Variants in ZNF114 observed in about 807,000 individuals in gnomAD.
ZNF114 encodes the protein zinc finger protein 114 (Y18).
Under a neutral mutation model 6.8 loss-of-function variants are expected in ZNF114, and 8 were observed. That is an observed-to-expected ratio of 1.18 (90% CI 0.69 to 2.13). The LOEUF (loss-of-function observed/expected upper bound fraction) is 2.13, where lower values mean the gene tolerates loss of function less well. Ranked by LOEUF, ZNF114 falls within the 30% of genes most tolerant of loss-of-function variation. ZNF114 has a pLI of 0.00. For missense variants in ZNF114, 472 were observed against 519.5 expected, an observed-to-expected ratio of 0.91 and a Z score of 0.89; for synonymous variants, 169 against 185.5, an observed-to-expected ratio of 0.91 and a Z score of 0.72.
chr19:48,282,290 C>G (rs1968012831), intron 4 of ZNF114, 81 bp from the exon 5 acceptor site: 1 of 1,584,566 alleles, frequency 6.3e-7, no homozygotes, highest in African/African-American at 1.4e-5. Context: ...CCTCAACCTA[C>G]CTTTTTCTGT....
intron 3 of ZNF114, among the ~76,000 whole-genome samples, chr19:48,272,422 AT>A (rs1318738313): frequency 4.2e-5 from 6 of 143,342 alleles, no homozygotes; most frequent in African/African-American, 1.0e-4. Flanking sequence ...AAAAAAAAAA[AT>A]AAATAATAAT....
intron 3 of ZNF114, among the ~76,000 whole-genome samples, chr19:48,278,601 G>A (rs1428772857): frequency 6.6e-6 from 1 of 152,086 alleles, no homozygotes; most frequent in Non-Finnish European, 1.5e-5. Flanking sequence ...TGCTTTCTTT[G>A]TTCATGCATT....
intron 1 of ZNF114, among the ~76,000 whole-genome samples, chr19:48,270,761 G>GAGAA (rs142099276): frequency 0.013 from 1,937 of 149,876 alleles, 50 homozygotes; most frequent in African/African-American, 0.04. Flanking sequence ...AGAGAAAAAA[G>GAGAA]AGAAAGAAAG....
chr19:48,279,152 C>T (rs1424291443), intron 3 of ZNF114, among the ~76,000 whole-genome samples: 1 of 151,668 alleles, frequency 6.6e-6, no homozygotes, highest in African/African-American at 2.4e-5. Context: ...ATGCAAATTT[C>T]ACCTCGATTA....
chr19:48,286,230 C>A lies in ZNF114; in HGVS notation c.606C>A (p.Gly202=). 1.2e-6 allele frequency: 2 copies of A among 1,614,170 alleles called. No individual in the cohort carries two copies. Among genetic ancestry groups the A allele is most frequent in the African/African-American group, 2.7e-5 (2 of 75,026 alleles). Residue 202 remains glycine, a synonymous_variant, in exon 6 of 6, where the codon GGC becomes GGA. Coordinates refer to ENST00000595607, the MANE Select transcript of ZNF114 (RefSeq NM_153608.4). ...KTELKSSTWT[G]SQNTVHHIRD... ...AGCTGAAATCAAGCACATGGACTGG[C>A]AGTCAGAACACTGTGCATCATATAC...
At chr19:48,282,556 G>A (rs1968019837) in intron 5 of ZNF114, 59 bp downstream of exon 5, 41 of 1,549,106 alleles carry the variant, frequency 2.6e-5, no homozygotes, top group South Asian at 1.2e-4. Flanking sequence ...GTTTGGAACC[G>A]TGTTCTGGGA....
chr19:48,277,713 T>C (rs1967873138), intron 3 of ZNF114, among the ~76,000 whole-genome samples: 1 of 151,994 alleles, frequency 6.6e-6, no homozygotes, highest in Non-Finnish European at 1.5e-5. Flanking sequence ...AGATCAGCCA[T>C]GTTTCCGAGG....
Position 48,286,255 on chromosome 19 carries a change from C to G in ZNF114, c.631C>G (p.Arg211Gly). Residue 211 changes from arginine to glycine, a missense_variant, in exon 6 of 6, where the codon CGT becomes GGT. By Grantham distance (125) the Arg-to-Gly change is moderately radical. Coordinates refer to ENST00000595607, the MANE Select transcript of ZNF114 (RefSeq NM_153608.4). ...CAGTCAGAACACTGTGCATCATATA[C>G]GTGATGAAATTGATACGGGGGCCAA... ...TGSQNTVHHI[R>G]DEIDTGANRH... is the part of the protein sequence containing the mutation. The G allele has an allele frequency of 1.2e-6, 2 of 1,614,130 alleles. No individual in the cohort carries two copies. The highest frequency in any genetic ancestry group is 1.7e-6 in the Non-Finnish European group (2 of 1,180,040).
rs754358417 is a variant in ZNF114 at position 48,279,787 on chromosome 19, G to A, written c.-13G>A. On this transcript the variant is annotated 5_prime_UTR_variant, in exon 4 of 6. Transcript: ENST00000595607. ...CGGGGAAGCCAGGACTGGCCGTCAC[G>A]TTGGTGACAAATATGTCCCAGGTAA... 5 of 1,613,860 alleles carry A rather than the reference G, an allele frequency of 3.1e-6. No individual in the cohort carries two copies. The highest frequency in any genetic ancestry group is 2.2e-5 in the South Asian group (2 of 91,090).
At position 48,285,935 on chromosome 19, in the gene ZNF114, A is replaced by G; in HGVS notation, c.311A>G (p.Asn104Ser). Reference protein sequence around the residue: ...KTEEPHRQGVNNVKPPAVAPE... With the variant: ...KTEEPHRQGVSNVKPPAVAPE... Reference sequence around the variant, plus strand: ...GAGGAACCACACAGGCAGGGGGTGAATAATGTGAAGCCACCTGCAGTTGCC... The same window carrying G: ...GAGGAACCACACAGGCAGGGGGTGAGTAATGTGAAGCCACCTGCAGTTGCC... The change falls in exon 6 of 6, where the codon AAT becomes AGT. Residue 104 changes from asparagine to serine, a missense_variant. Physicochemically the swap from Asn to Ser is conservative, Grantham distance 46 (BLOSUM62 1). Transcript: ENST00000595607. 1 of 1,614,130 alleles carries G rather than the reference A, an allele frequency of 6.2e-7. No individual in the cohort carries two copies. The highest frequency in any genetic ancestry group is 8.5e-7 in the Non-Finnish European group (1 of 1,180,030).
Position 48,286,039 on chromosome 19 carries a change from G to A in ZNF114, c.415G>A (p.Val139Met). 6.2e-7 allele frequency: 1 copy of A among 1,613,992 alleles called. No individual in the cohort carries two copies. The highest frequency in any genetic ancestry group is 8.5e-7 in the Non-Finnish European group (1 of 1,180,036). ...CCACTCTAAACCTACCTGCAGGCTT[G>A]TGCCTTCACAGGGAGATTCCATAAG... Reference protein sequence around the residue: ...RNHSKPTCRLVPSQGDSIRQC... With the variant: ...RNHSKPTCRLMPSQGDSIRQC... The change falls in exon 6 of 6, where the codon GTG becomes ATG. Residue 139 changes from valine to methionine, a missense_variant. Val to Met is a conservative substitution (Grantham distance 21, BLOSUM62 1). Coordinates refer to ENST00000595607, the MANE Select transcript of ZNF114 (RefSeq NM_153608.4).
In ZNF114 at chr19:48,285,543, A is replaced by AGAAGGAAG. The variant is rs35030246; in HGVS notation, c.137-207_137-200dup. The stretch of plus-strand genomic sequence containing the variant: ...AGAGAACGAGAGAGAGAGAGAGGAA[A>AGAAGGAAG]GAAGGAAGGAAGGAAGGAGGAAGGA... On this transcript the variant is annotated intron_variant, in intron 5 of 5. Transcript: ENST00000595607. 4.2e-4 allele frequency among the ~76,000 whole-genome samples: 62 copies of AGAAGGAAG among 147,192 alleles called. No individual in the cohort carries two copies. The South Asian group carries it at 9.1e-3, about 22-fold the overall frequency.
intron 4 of ZNF114, among the ~76,000 whole-genome samples, chr19:48,280,936 G>A (rs964836953): frequency 3.9e-5 from 6 of 152,148 alleles, no homozygotes; most frequent in African/African-American, 1.4e-4. Context: ...CACACAGTTG[G>A]TCAACTGGTA....
rs71334282 is a variant in ZNF114, at chr19:48,278,942, CA to C, written c.-69-778del. 6.1e-3 allele frequency among the ~76,000 whole-genome samples: 881 copies of C among 143,732 alleles called. 3 individuals carry two copies. The highest frequency in any genetic ancestry group is 0.01 in the Non-Finnish European group (659 of 65,418). The allele number at this position is 143,732 out of a possible 152,430, so 94.3% of individuals were successfully genotyped here. On this transcript the variant is annotated intron_variant, in intron 3 of 5. Transcript: ENST00000595607. ...TGGGCAACAGAGTGAGACTCCGTCT[CA>C]AAAAAAAAAATTGCAATTAGATTAG... is the stretch of plus-strand genomic sequence containing the variant.
At chr19:48,271,639 C>G (rs1967660960) in intron 2 of ZNF114, 88 bp from the exon 3 acceptor site, 1 of 152,298 alleles carries the variant, frequency 6.6e-6, no homozygotes, top group Non-Finnish European at 1.5e-5. Flanking sequence ...AGGAAGGGGT[C>G]AAGAAGCGAG....
At chr19:48,279,260 T>C (rs1967925806) in intron 3 of ZNF114, among the ~76,000 whole-genome samples, 1 of 149,372 alleles carries the variant, frequency 6.7e-6, no homozygotes, top group African/African-American at 2.5e-5. Flanking sequence ...TTAGGAGGCA[T>C]GGGGGCCCAT....
Position 48,286,303 on chromosome 19 carries a change from G to A in ZNF114, c.679G>A (p.Gly227Arg). 1 of 1,614,156 alleles carries A rather than the reference G, an allele frequency of 6.2e-7. No individual in the cohort carries two copies. Among genetic ancestry groups the A allele is most frequent in the Non-Finnish European group, 8.5e-7 (1 of 1,180,046 alleles). ...CAACAGGCACCAGCGGAATCCATTT[G>A]GAAAAGCTTTCCGTGAAGACGGATC... ...GANRHQRNPF[G>R]KAFREDGSLR... Residue 227 changes from glycine (G) to arginine (R), a missense_variant, in exon 6 of 6, where the codon GGA (glycine) becomes AGA (arginine). Gly to Arg is a moderately radical substitution (Grantham distance 125). Coordinates refer to ENST00000595607, the MANE Select transcript of ZNF114 (RefSeq NM_153608.4).
chr19:48,278,739 C>T (rs1052868428), intron 3 of ZNF114, among the ~76,000 whole-genome samples: 5 of 152,046 alleles, frequency 3.3e-5, no homozygotes, highest in Admixed American at 6.6e-5. Flanking sequence ...GTCAGGAGTT[C>T]GAGACCAGCC....
chr19:48,270,310 G>A (rs1315200420), intron 1 of ZNF114, 91 bp downstream of exon 1: 1 of 151,058 alleles, frequency 6.6e-6, no homozygotes, highest in East Asian at 1.9e-4. Context: ...GGAGACTGAA[G>A]TGGTAGGATC....
Sources: gnomAD v4.1 joint callset for allele counts (sites outside exome capture counted in the v4.1 genomes callset) on GRCh38, gnomAD v4.1.1 for gene constraint, MANE v1.5 for transcripts, NCBI Gene and HGNC (gene_info 2026-07-23, HGNC 2026-07-21) for gene names.